The following CATSPERT variants were observed in gnomAD, a reference collection of about 807,000 sequenced individuals.
CATSPERT encodes the protein cation channel sperm-associated targeting subunit tau.
At chr2:201,533,002 T>A in the CATSPERT span, among the ~76,000 whole-genome samples, 1 of 152,192 alleles carries the variant, frequency 6.6e-6, no homozygotes. Flanking sequence ...TTAAGTGGCA[T>A]CTCAGGCCTT....
At chr2:201,555,932 T>C in the CATSPERT span, 1 of 152,136 alleles carries the variant, frequency 6.6e-6, no homozygotes, top group Non-Finnish European at 1.5e-5. Flanking sequence ...ACAAGGAAAA[T>C]TTACCAATCA....
At chr2:201,512,749 T>C in the CATSPERT span, among the ~76,000 whole-genome samples, 14 of 152,128 alleles carry the variant, frequency 9.2e-5, no homozygotes, top group Non-Finnish European at 1.8e-4. Context: ...ACATTGTATA[T>C]AGGTATTTTT....
At chr2:201,572,442 C>T in the CATSPERT span, among the ~76,000 whole-genome samples, 1 of 152,200 alleles carries the variant, frequency 6.6e-6, no homozygotes, top group Non-Finnish European at 1.5e-5. Flanking sequence ...GAAAAGTTCA[C>T]AGACATAAAA....
the CATSPERT span, among the ~76,000 whole-genome samples, chr2:201,592,935 G>C: frequency 2.0e-5 from 3 of 151,986 alleles, no homozygotes; most frequent in Admixed American, 6.6e-5. Context: ...AAAACCAGCT[G>C]CTGGATTCAT....
chr2:201,492,638 T>A, the CATSPERT span: 1 of 1,527,508 alleles, frequency 6.5e-7, no homozygotes, highest in Non-Finnish European at 8.8e-7. Flanking sequence ...TTTTGGAGAA[T>A]CTCTTTTAAA....
At chr2:201,566,712 A>G in the CATSPERT span, among the ~76,000 whole-genome samples, 2 of 152,182 alleles carry the variant, frequency 1.3e-5, no homozygotes, top group South Asian at 4.1e-4. Context: ...TCCTTTGGGT[A>G]TATACCCAGT....
the CATSPERT span, among the ~76,000 whole-genome samples, chr2:201,538,392 T>C: frequency 6.6e-6 from 1 of 152,104 alleles, no homozygotes; most frequent in African/African-American, 2.4e-5. Context: ...GACTGGCATA[T>C]CTCTTTTTAT....
the CATSPERT span, among the ~76,000 whole-genome samples, chr2:201,515,202 G>GTTTTTTTTT: frequency 3.9e-3 from 95 of 24,668 alleles, 32 homozygotes; most frequent in East Asian, 0.017. Flanking sequence ...TCTGCCCATA[G>GTTTTTTTTT]TTTTTTTTTT....
the CATSPERT span, among the ~76,000 whole-genome samples, chr2:201,559,361 C>G: frequency 1.3e-5 from 2 of 152,192 alleles, no homozygotes; most frequent in Non-Finnish European, 2.9e-5. Flanking sequence ...CTGTGGGCAG[C>G]CCCCAGCAGA....
At chr2:201,537,950 G>A in the CATSPERT span, among the ~76,000 whole-genome samples, 15 of 151,968 alleles carry the variant, frequency 9.9e-5, no homozygotes, top group African/African-American at 3.6e-4. Flanking sequence ...AATAACTGAA[G>A]CAGAATTCTA....
At chr2:201,618,839 CCCTCCAGGTGCCCTGCTGGCCCCGGT>C in the CATSPERT span, 7 of 1,528,626 alleles carry the variant, frequency 4.6e-6, no homozygotes, top group Admixed American at 1.8e-5. Flanking sequence ...CCTTTCACCA[CCCTCCAGGTGCCCTGCTGGCCCCGGT>C]CCTCCAGGTG....
At chr2:201,506,645 C>T in the CATSPERT span, among the ~76,000 whole-genome samples, 1 of 152,108 alleles carries the variant, frequency 6.6e-6, no homozygotes, top group Non-Finnish European at 1.5e-5. Flanking sequence ...CCTCTGCCTT[C>T]TGGGTTCAAG....
At chr2:201,500,998 A>T in the CATSPERT span, among the ~76,000 whole-genome samples, 1 of 152,276 alleles carries the variant, frequency 6.6e-6, no homozygotes, top group Admixed American at 6.5e-5. Context: ...AAAAATTAGG[A>T]ACTACCTTGA....
chr2:201,601,767 A>G, the CATSPERT span: 12 of 1,611,772 alleles, frequency 7.4e-6, no homozygotes, highest in Non-Finnish European at 1.0e-5. Context: ...CACTTCATCG[A>G]ACTTAATTAC....
chr2:201,531,204 C>A, the CATSPERT span, among the ~76,000 whole-genome samples: 1 of 151,862 alleles, frequency 6.6e-6, no homozygotes, highest in African/African-American at 2.4e-5. Context: ...CGTGATTCAC[C>A]TGCCTCGGCC....
the CATSPERT span, among the ~76,000 whole-genome samples, chr2:201,488,534 C>T: frequency 2.6e-5 from 4 of 151,998 alleles, no homozygotes; most frequent in African/African-American, 9.7e-5. Flanking sequence ...AGGATATATA[C>T]CATAGTAAAT....
the CATSPERT span, among the ~76,000 whole-genome samples, chr2:201,582,373 A>G: frequency 6.6e-6 from 1 of 151,780 alleles, no homozygotes. Context: ...TTGCATACCT[A>G]GTGATACGTT....
chr2:201,527,560 C>A, the CATSPERT span, among the ~76,000 whole-genome samples: 2 of 152,066 alleles, frequency 1.3e-5, no homozygotes, highest in African/African-American at 4.8e-5. Context: ...CAAAAACAGA[C>A]ACATAGACCA....
At chr2:201,599,311 C>CT in the CATSPERT span, among the ~76,000 whole-genome samples, 1 of 152,014 alleles carries the variant, frequency 6.6e-6, no homozygotes, top group Non-Finnish European at 1.5e-5. Context: ...ATAAATTTCT[C>CT]TAAGTTTTGC....
Sources: gnomAD v4.1 joint callset for allele counts (sites outside exome capture counted in the v4.1 genomes callset) on GRCh38, gnomAD v4.1.1 for gene constraint, MANE v1.5 for transcripts, NCBI Gene and HGNC (gene_info 2026-07-23, HGNC 2026-07-21) for gene names.